TM9SF4: variants seen among roughly 807,000 people sequenced by gnomAD.
TM9SF4 encodes dinucleotide oxidase disulfide thiol exchanger 3 superfamily member 4.
TM9SF4 carries 26 observed loss-of-function variants against 90.4 expected under a neutral mutation model. The ratio of observed to expected loss-of-function variants is 0.29; its 90% CI spans 0.21 to 0.40. TM9SF4 has a LOEUF of 0.40. TM9SF4 is among the 10% of genes least tolerant of loss of function. TM9SF4 has a pLI of 1.00. For synonymous variants in TM9SF4, 293 were observed against 315.4 expected, an observed-to-expected ratio of 0.93 and a Z score of 0.75; for missense variants, 549 against 834.8, an observed-to-expected ratio of 0.66 and a Z score of 4.22.
At chr20:32,127,952 G>A (rs1390964351) in intron 1 of TM9SF4, among the ~76,000 whole-genome samples, 1 of 152,190 alleles carries the variant, frequency 6.6e-6, no homozygotes, top group Non-Finnish European at 1.5e-5. Flanking sequence ...TCAGAACACA[G>A]GTTATTGATG....
At chr20:32,121,183 C>T (rs946519414) in intron 1 of TM9SF4, among the ~76,000 whole-genome samples, 16 of 150,234 alleles carry the variant, frequency 1.1e-4, no homozygotes, top group Non-Finnish European at 7.4e-5. Flanking sequence ...CATAAACCCG[C>T]TGTGCCTCTT....
intron 14 of TM9SF4, 140 bp from the exon 15 acceptor site, chr20:32,158,311 A>G (rs1415808094): frequency 1.1e-6 from 1 of 873,376 alleles, no homozygotes; most frequent in East Asian, 2.4e-5. Context: ...TCAAGAGATT[A>G]TAATAGTACA....
intron 12 of TM9SF4, among the ~76,000 whole-genome samples, chr20:32,151,695 T>G (rs1037050813): frequency 2.0e-5 from 3 of 152,134 alleles, no homozygotes; most frequent in African/African-American, 7.2e-5. Context: ...TGTTGTTTGT[T>G]TTTGAGATGG....
chr20:32,126,116 AG>A (rs1455080568), intron 1 of TM9SF4, among the ~76,000 whole-genome samples: 8 of 120,968 alleles, frequency 6.6e-5, no homozygotes, highest in Non-Finnish European at 1.2e-4. Context: ...CAGTAGCCAG[AG>A]TAACCTTTAA....
In TM9SF4 at chr20:32,160,051, C is replaced by T. The variant is rs768576299; in HGVS notation, c.1629C>T (p.Ile543=). The stretch of plus-strand genomic sequence containing the variant: ...GCTTCCTGTTCCTTGTTTTCATCAT[C>T]CTGGTGGTATCCTGTTCACAAATCA... ...LFGFLFLVFI[I]LVVSCSQISI... The change falls in exon 16 of 18, where the codon ATC becomes ATT. Residue 543 remains isoleucine (I), a synonymous_variant. Coordinates refer to ENST00000398022, the MANE Select transcript of TM9SF4 (RefSeq NM_014742.4). 6.2e-7 allele frequency: 1 copy of T among 1,614,208 alleles called. No homozygotes were observed. Among genetic ancestry groups the T allele is most frequent in the East Asian group, 2.2e-5 (1 of 44,882 alleles).
chr20:32,124,939 CTTGTT>C (rs1027755348), intron 1 of TM9SF4, among the ~76,000 whole-genome samples: 9 of 152,134 alleles, frequency 5.9e-5, no homozygotes, highest in African/African-American at 1.7e-4. Context: ...GGAACTTTGC[CTTGTT>C]TTGTTTTGTT....
At chr20:32,132,068 G>T (rs2046524367) in intron 1 of TM9SF4, among the ~76,000 whole-genome samples, 1 of 152,212 alleles carries the variant, frequency 6.6e-6, no homozygotes. Context: ...GGTCAGTGCA[G>T]ACTTCTCTGA....
chr20:32,123,845 C>CATATATAT (rs778502518), intron 1 of TM9SF4, among the ~76,000 whole-genome samples: 114 of 108,438 alleles, frequency 1.1e-3, no homozygotes, highest in South Asian at 2.7e-3. Context: ...TTCTCTCTCT[C>CATATATAT]ATATATATAT....
chr20:32,154,499 G>T (rs925731454), intron 12 of TM9SF4, among the ~76,000 whole-genome samples: 5 of 151,942 alleles, frequency 3.3e-5, no homozygotes, highest in African/African-American at 4.8e-5. Context: ...TGTCGCGCAG[G>T]CTGGAGTGCA....
intron 3 of TM9SF4, among the ~76,000 whole-genome samples, chr20:32,137,445 G>T (rs371467952): frequency 1.5e-4 from 23 of 152,146 alleles, no homozygotes; most frequent in Non-Finnish European, 2.4e-4. Flanking sequence ...CCAAATCTTC[G>T]TGAAGCTGGG....
chr20:32,154,907 G>A (rs371320657), intron 12 of TM9SF4, among the ~76,000 whole-genome samples, 196 bp from the exon 13 acceptor site: 1 of 152,232 alleles, frequency 6.6e-6, no homozygotes, highest in East Asian at 1.9e-4. Flanking sequence ...AGAAGGGGCA[G>A]TATTAGGGAC....
intron 17 of TM9SF4, among the ~76,000 whole-genome samples, chr20:32,164,350 G>A (rs1028024443): frequency 6.6e-6 from 1 of 152,130 alleles, no homozygotes; most frequent in African/African-American, 2.4e-5. Context: ...AGACACCATT[G>A]CTAGAAAAAA....
intron 13 of TM9SF4, among the ~76,000 whole-genome samples, chr20:32,155,961 T>C (rs566835548): frequency 3.9e-5 from 6 of 152,298 alleles, no homozygotes; most frequent in Admixed American, 2.6e-4. Context: ...TCCTTCTCCC[T>C]TTGAGCATTT....
Position 32,141,541 on chromosome 20 carries a change from G to T in TM9SF4, c.274G>T (p.Val92Phe), listed in dbSNP as rs924493775. ...GDRIVNTPFQ[V>F]LMNSEKKCEV... ...CCGGATTGTCAACACCCCTTTCCAG[G>T]TTCTCATGAACAGCGAGAAGAAGTG... is the stretch of plus-strand genomic sequence containing the variant. Residue 92 changes from valine to phenylalanine, a missense_variant, in exon 4 of 18, where the codon GTT becomes TTT. Transcript: ENST00000398022. 1.2e-6 allele frequency: 2 copies of T among 1,614,012 alleles called. No homozygotes were observed. The highest frequency in any genetic ancestry group is 1.7e-6 in the Non-Finnish European group (2 of 1,180,032).
chr20:32,111,265 A>ATT (rs1181943787), intron 1 of TM9SF4, among the ~76,000 whole-genome samples: 1 of 152,222 alleles, frequency 6.6e-6, no homozygotes, highest in Non-Finnish European at 1.5e-5. Context: ...ATGTATATAT[A>ATT]TTCTGGTACC....
chr20:32,115,807 C>CTTTTTTTTTTTTTT (rs386393622), intron 1 of TM9SF4, among the ~76,000 whole-genome samples: 1 of 95,164 alleles, frequency 1.1e-5, no homozygotes, highest in Non-Finnish European at 1.9e-5. Context: ...CCACTTTAAG[C>CTTTTTTTTTTTTTT]TTTTTTTTTT....
At chr20:32,156,224 A>C in intron 13 of TM9SF4, among the ~76,000 whole-genome samples, 1 of 152,230 alleles carries the variant, frequency 6.6e-6, no homozygotes, top group Admixed American at 6.5e-5. Flanking sequence ...TGTTCTAAAC[A>C]CTTTATATAT....
At chr20:32,111,492 G>A (rs919126944) in intron 1 of TM9SF4, among the ~76,000 whole-genome samples, 33 of 152,192 alleles carry the variant, frequency 2.2e-4, no homozygotes, top group African/African-American at 7.5e-4. Flanking sequence ...CCAGGAACTA[G>A]GGATGTAGTT....
intron 1 of TM9SF4, among the ~76,000 whole-genome samples, chr20:32,121,073 T>G (rs1176854512): frequency 6.6e-6 from 1 of 152,202 alleles, no homozygotes; most frequent in Non-Finnish European, 1.5e-5. Context: ...CACAGGATAG[T>G]TGTCCGTAGT....
Sources: allele counts gnomAD v4.1 joint callset (sites outside exome capture counted in the v4.1 genomes callset), GRCh38; gene constraint gnomAD v4.1.1; transcripts MANE v1.5; gene names NCBI Gene and HGNC (gene_info 2026-07-23, HGNC 2026-07-21).